The following PCDHA8 variants were observed in gnomAD, a reference collection of about 807,000 sequenced individuals.
PCDHA8 encodes protocadherin alpha-8.
PCDHA8 carries 53 observed loss-of-function variants against 61.8 expected under a neutral mutation model. The ratio of observed to expected loss-of-function variants is 0.86; its 90% confidence interval spans 0.69 to 1.08. The LOEUF is 1.08. Among genes scored for constraint, PCDHA8 ranks in the 50% least tolerant of loss-of-function variants. The pLI, the probability that PCDHA8 is intolerant of heterozygous loss-of-function variation, is 0.00. For synonymous variants in PCDHA8, 618 were observed against 556.6 expected, an observed-to-expected ratio of 1.11 and a Z score of -1.55; for missense variants, 1,293 against 1,245.0, an observed-to-expected ratio of 1.04 and a Z score of -0.58.
chr5:141,010,438 CA>C lies in PCDHA8; in HGVS notation c.*504del. ...TACAAGGAAGGCAAGAAAACAAAGA[CA>C]AATAAACAGCGGAAGTTATCAGTAT... On this transcript the variant is annotated 3_prime_UTR_variant, in exon 4 of 4. Transcript: ENST00000531613. 1.0e-6 allele frequency: 1 copy of C among 998,926 alleles called. No individual in the cohort carries two copies. The highest frequency in any genetic ancestry group is 1.4e-6 in the Non-Finnish European group (1 of 704,790). The allele number at this position is 998,926 out of a possible 1,614,324, so 61.9% of individuals were successfully genotyped here.
rs147047116 is a variant in PCDHA8, at chr5:140,937,713, C to T, written c.2395-41236C>T. Among the ~76,000 whole-genome samples the T allele has an allele frequency of 7.0e-4, 107 of 151,998 alleles. No homozygotes were observed. The East Asian group carries it at 0.02, about 28-fold the overall frequency. On this transcript the variant is annotated intron_variant, in intron 1 of 3. Transcript: ENST00000531613. The stretch of plus-strand genomic sequence containing the variant: ...GGATCACGAGGTCAGGAGATCAAGA[C>T]CATCCTGGCTAACACGGTGAAACCC...
At chr5:140,858,515 C>A in intron 1 of PCDHA8, 1 of 1,416,092 alleles carries the variant, frequency 7.1e-7, no homozygotes, top group South Asian at 1.2e-5. Context: ...AAATATGTAT[C>A]AGAATATTTC....
At chr5:141,007,985 A>C (rs2153994605) in intron 3 of PCDHA8, among the ~76,000 whole-genome samples, 1 of 152,322 alleles carries the variant, frequency 6.6e-6, no homozygotes, top group South Asian at 2.1e-4. Context: ...TGTATATATG[A>C]AATGTACATG....
intron 1 of PCDHA8, chr5:140,967,204 G>T: frequency 3.7e-6 from 6 of 1,613,634 alleles, no homozygotes; most frequent in Non-Finnish European, 5.1e-6. Context: ...ACAACTCACC[G>T]CGTTTCCCGC....
intron 1 of PCDHA8, among the ~76,000 whole-genome samples, chr5:140,941,215 C>CTT (rs782548958): frequency 1.2e-4 from 13 of 104,510 alleles, no homozygotes; most frequent in African/African-American, 4.4e-4. Flanking sequence ...TTCTTTCTTC[C>CTT]TTTCTTTCTT....
At chr5:140,943,200 G>A (rs2093432800) in intron 1 of PCDHA8, among the ~76,000 whole-genome samples, 1 of 140,910 alleles carries the variant, frequency 7.1e-6, no homozygotes, top group Non-Finnish European at 1.5e-5. Context: ...GGAGGCTGCA[G>A]TAAGCCAAGA....
In PCDHA8 at chr5:140,843,290, C is replaced by A. The variant is rs2150356540; in HGVS notation, c.1969C>A (p.Pro657Thr). Residue 657 changes from proline to threonine, a missense_variant, in exon 1 of 4, where the codon CCT (proline) becomes ACT (threonine). Pro to Thr is a conservative substitution (Grantham distance 38). Transcript: ENST00000531613. Reference sequence around the variant, plus strand: ...GGTCCTGGTGAAGGATCATGGTGAACCTGCGCTGACCGCCACGGCCACGGT... The same window carrying A: ...GGTCCTGGTGAAGGATCATGGTGAAACTGCGCTGACCGCCACGGCCACGGT... ...LLVLVKDHGE[P>T]ALTATATVLV... The A allele has an allele frequency of 1.2e-4, 199 of 1,595,966 alleles. 7 individuals carry two copies. The East Asian group carries it at 4.2e-3, about 34-fold the overall frequency.
intron 3 of PCDHA8, among the ~76,000 whole-genome samples, chr5:140,994,425 G>A (rs769335292): frequency 5.3e-5 from 8 of 152,118 alleles, no homozygotes; most frequent in African/African-American, 1.7e-4. Context: ...TATTGAGGCC[G>A]GGCGCAGTGG....
intron 1 of PCDHA8, chr5:140,884,399 T>C (rs1554181524): frequency 6.2e-6 from 10 of 1,613,990 alleles, no homozygotes; most frequent in African/African-American, 4.0e-5. Flanking sequence ...GTCCAGCCTG[T>C]TGGTGCTCAC....
At chr5:140,850,748 G>T (rs2150496861) in intron 1 of PCDHA8, 2 of 1,597,980 alleles carry the variant, frequency 1.3e-6, no homozygotes, top group South Asian at 1.1e-5. Flanking sequence ...GGTCGTACTC[G>T]CAGCAGAGGA....
At chr5:140,853,468 T>C in intron 1 of PCDHA8, 2 of 970,862 alleles carry the variant, frequency 2.1e-6, no homozygotes, top group African/African-American at 1.8e-5. Context: ...TATGCATCTG[T>C]AGTTAACATT....
At chr5:140,944,291 G>A (rs155813) in intron 1 of PCDHA8, among the ~76,000 whole-genome samples, 48,239 of 151,966 alleles carry the variant, frequency 0.32, 8,008 homozygotes, top group East Asian at 0.53. Flanking sequence ...GGGCTCAAGC[G>A]ATCCTCCTAC....
chr5:140,996,410 G>A (rs1195533511), intron 3 of PCDHA8, among the ~76,000 whole-genome samples: 2 of 152,222 alleles, frequency 1.3e-5, no homozygotes, highest in African/African-American at 2.4e-5. Flanking sequence ...GGTGGGGCAG[G>A]CAGTGTGAAA....
chr5:140,988,445 A>G (rs1554250148), intron 3 of PCDHA8, among the ~76,000 whole-genome samples: 2 of 152,168 alleles, frequency 1.3e-5, no homozygotes, highest in African/African-American at 2.4e-5. Context: ...ATTGACCTGA[A>G]GGGAGGAAGC....
intron 3 of PCDHA8, among the ~76,000 whole-genome samples, chr5:140,994,116 T>C: frequency 6.6e-6 from 1 of 152,196 alleles, no homozygotes; most frequent in East Asian, 1.9e-4. Context: ...CATTGTCATG[T>C]GATAAGGGCG....
Position 140,877,166 on chromosome 5 carries a change from TGCTGGCGACTCCG to T in PCDHA8, c.2394+33458_2394+33470del, listed in dbSNP as rs2056906844. The T allele has an allele frequency of 1.9e-6, 3 of 1,613,836 alleles. No individual in the cohort carries two copies. In the East Asian group the frequency reaches 6.7e-5, roughly 36 times the overall value. On this transcript the variant is annotated intron_variant, in intron 1 of 3. Coordinates refer to ENST00000531613, the MANE Select transcript of PCDHA8 (RefSeq NM_018911.3). The stretch of plus-strand genomic sequence containing the variant: ...GACGAGAACGACAACGCGCCGGCAC[TGCTGGCGACTCCG>T]GCTGGCAGCGCAGGAGGCGCAGTTA...
chr5:140,875,378 T>G, intron 1 of PCDHA8: 1 of 1,458,602 alleles, frequency 6.9e-7, no homozygotes, highest in Non-Finnish European at 9.0e-7. Context: ...TTACTAAATA[T>G]GTACTTACAG....
In PCDHA8 at chr5:140,850,519, C is replaced by T. The variant is rs2150487298; in HGVS notation, c.2394+6804C>T. On this transcript the variant is annotated intron_variant, in intron 1 of 3. Coordinates refer to ENST00000531613, the MANE Select transcript of PCDHA8 (RefSeq NM_018911.3). ...GTGTCGCTGGTGGAGAGCGGCCAGG[C>T]GCCAAAGTCATCGTCGCGGGCGTCA... 675 of 1,598,240 alleles carry T rather than the reference C, an allele frequency of 4.2e-4. 26 individuals carry two copies. In the South Asian group the frequency reaches 6.8e-3, roughly 16 times the overall value.
rs2150365068 is a variant in PCDHA8 at position 140,843,686 on chromosome 5, CA to C, written c.2367del (p.Asp790IlefsTer2). ...DLGSVDVGEE[Q>X]DLNVDHGLKP... is the part of the protein sequence containing the mutation. Reference sequence around the variant, plus strand: ...GGGATCAGTTGATGTAGGCGAAGAGCAAGATTTAAATGTTGATCATGGCCTC... The same window carrying C: ...GGGATCAGTTGATGTAGGCGAAGAGCAGATTTAAATGTTGATCATGGCCTC... On this transcript the variant is annotated frameshift_variant, in exon 1 of 4. Coordinates refer to ENST00000531613, the MANE Select transcript of PCDHA8 (RefSeq NM_018911.3). LOFTEE classifies it high-confidence loss of function. 6.9e-6 allele frequency: 11 copies of C among 1,588,582 alleles called. No individual in the cohort carries two copies. The highest frequency in any genetic ancestry group is 2.6e-6 in the Non-Finnish European group (3 of 1,158,750).
Sources: gnomAD v4.1 joint callset for allele counts (sites outside exome capture counted in the v4.1 genomes callset) on GRCh38, gnomAD v4.1.1 for gene constraint, MANE v1.5 for transcripts, NCBI Gene and HGNC (gene_info 2026-07-23, HGNC 2026-07-21) for gene names.